GRIA1: variants seen among roughly 807,000 people sequenced by gnomAD.
GRIA1 encodes glutamate ionotropic receptor AMPA type subunit 1, also known as glutamate receptor 1.
In GRIA1, 31 loss-of-function variants were observed where a neutral mutation model predicts 99.2. The observed-to-expected ratio is 0.31, with a 90% CI of 0.23 to 0.42. GRIA1 has a LOEUF of 0.42. GRIA1 is among the 10% of genes least tolerant of loss of function. The pLI, the probability that GRIA1 is intolerant of heterozygous loss-of-function variation, is 1.00. For synonymous variants in GRIA1, 438 were observed against 432.4 expected, an observed-to-expected ratio of 1.01 and a Z score of -0.16; for missense variants, 782 against 1,157.5, an observed-to-expected ratio of 0.68 and a Z score of 4.71.
intron 2 of GRIA1, among the ~76,000 whole-genome samples, chr5:153,495,576 C>T (rs571156933): frequency 1.3e-5 from 2 of 152,272 alleles, no homozygotes; most frequent in African/African-American, 4.8e-5. Context: ...AGGAGAAAAA[C>T]TTACAGTGTT....
chr5:153,729,412 T>C (rs1760842690), intron 11 of GRIA1, among the ~76,000 whole-genome samples: 1 of 151,254 alleles, frequency 6.6e-6, no homozygotes, highest in African/African-American at 2.4e-5. Context: ...AATTAATTAA[T>C]TGAAAAAAGA....
chr5:153,677,142 T>C lies in GRIA1; in HGVS notation c.1010T>C (p.Ile337Thr). 1 of 1,531,814 alleles carries C rather than the reference T, an allele frequency of 6.5e-7. No homozygotes were observed. The highest frequency in any genetic ancestry group is 2.4e-5 in the East Asian group (1 of 40,892). The allele number at this position is 1,531,814 out of a possible 1,614,324, so 94.9% of individuals were successfully genotyped here. Residue 337 changes from isoleucine to threonine, a missense_variant, in exon 7 of 16, where the codon ATC becomes ACC. Ile to Thr is a moderately conservative substitution (Grantham distance 89). Around this residue, in one of 5 missense-constraint regions of GRIA1, gnomAD observed 461 missense variants for 521.7 expected, o/e 0.88. Coordinates refer to ENST00000285900, the MANE Select transcript of GRIA1 (RefSeq NM_000827.4). ...GTTCCCTGGGGCCAAGGGATCGACA[T>C]CCAGAGAGCTCTGCAGCAGGTAAGA... The part of the protein sequence containing the change: ...PAVPWGQGID[I>T]QRALQQVRFE...
intron 2 of GRIA1, among the ~76,000 whole-genome samples, chr5:153,614,424 T>A (rs961557320): frequency 1.3e-5 from 2 of 152,210 alleles, no homozygotes; most frequent in African/African-American, 4.8e-5. Context: ...TCCTATGATT[T>A]TTATATGTAT....
chr5:153,676,399 A>G (rs1371207738), intron 6 of GRIA1, among the ~76,000 whole-genome samples: 1 of 152,182 alleles, frequency 6.6e-6, no homozygotes, highest in Admixed American at 6.5e-5. Context: ...AGGAGAGGGT[A>G]TAATTGATAG....
At chr5:153,654,363 G>A (rs1754783764) in intron 4 of GRIA1, among the ~76,000 whole-genome samples, 2 of 152,064 alleles carry the variant, frequency 1.3e-5, no homozygotes, top group South Asian at 4.1e-4. Flanking sequence ...TCATCTTGTG[G>A]GGACAATATT....
At chr5:153,605,051 G>A (rs1441101850) in intron 2 of GRIA1, among the ~76,000 whole-genome samples, 1 of 152,078 alleles carries the variant, frequency 6.6e-6, no homozygotes, top group Non-Finnish European at 1.5e-5. Flanking sequence ...GCCAGGCCTG[G>A]TGGTGCACAC....
intron 5 of GRIA1, among the ~76,000 whole-genome samples, chr5:153,670,913 C>T (rs1196939271): frequency 1.3e-5 from 2 of 152,026 alleles, no homozygotes; most frequent in Non-Finnish European, 2.9e-5. Flanking sequence ...TGATTAAAAG[C>T]ATTGTAGAGA....
chr5:153,494,600 G>C (rs1754232079), intron 2 of GRIA1, among the ~76,000 whole-genome samples: 2 of 152,138 alleles, frequency 1.3e-5, no homozygotes, highest in South Asian at 4.1e-4. Context: ...TGAGGAAATT[G>C]GTTGTTTAAG....
Position 153,698,088 on chromosome 5 carries a change from C to T in GRIA1, c.1179C>T (p.Thr393=), listed in dbSNP as rs778187885. The T allele has an allele frequency of 8.7e-6, 14 of 1,611,366 alleles. No individual in the cohort carries two copies. Among genetic ancestry groups the T allele is most frequent in the Admixed American group, 1.7e-5 (1 of 60,006 alleles). The change falls in exon 9 of 16, where the codon ACC becomes ACT. Residue 393 remains threonine (T), a synonymous_variant. Transcript: ENST00000285900. ...NEDDKFVPAA[T]DAQAGGDNSS... Reference sequence around the variant, plus strand: ...ATGATAAGTTTGTCCCTGCAGCCACCGATGCCCAAGCTGGGGGCGATAATT... The same window carrying T: ...ATGATAAGTTTGTCCCTGCAGCCACTGATGCCCAAGCTGGGGGCGATAATT...
At chr5:153,516,487 A>C (rs904722798) in intron 2 of GRIA1, among the ~76,000 whole-genome samples, 1 of 152,062 alleles carries the variant, frequency 6.6e-6, no homozygotes, top group Non-Finnish European at 1.5e-5. Context: ...AGAAAAGACT[A>C]GTTGATCCTA....
intron 14 of GRIA1, among the ~76,000 whole-genome samples, chr5:153,802,022 C>T (rs1241692514): frequency 6.6e-6 from 1 of 151,762 alleles, no homozygotes; most frequent in East Asian, 1.9e-4. Flanking sequence ...ATGGGCTAAG[C>T]TCAAAGGTGC....
rs754217849 is a variant in GRIA1 at position 153,646,161 on chromosome 5, C to T, written c.221-767C>T. 5.3e-5 allele frequency among the ~76,000 whole-genome samples: 8 copies of T among 152,334 alleles called. No individual in the cohort carries two copies. In the South Asian group the frequency reaches 1.2e-3, roughly 24 times the overall value. ...CAACTGCATTGGGATTCTACAGAAT[C>T]GGTCCTGTGGGTATGTTCTCACAGC... On this transcript the variant is annotated intron_variant, in intron 2 of 15. Coordinates refer to ENST00000285900, the MANE Select transcript of GRIA1 (RefSeq NM_000827.4).
At position 153,809,471 on chromosome 5, in the gene GRIA1, G is replaced by T. The variant is rs531493704; in HGVS notation, c.2521-1554G>T. On this transcript the variant is annotated intron_variant, in intron 15 of 15. Transcript: ENST00000285900. ...AACATTTTAAAACATTGTCAGAACT[G>T]CCAGTAATACAAGGATAGCAGGGGA... 3.3e-5 allele frequency among the ~76,000 whole-genome samples: 5 copies of T among 152,334 alleles called. No homozygotes were observed. In the South Asian group the frequency reaches 1.0e-3, roughly 32 times the overall value.
chr5:153,534,293 T>C (rs757652734), intron 2 of GRIA1, among the ~76,000 whole-genome samples: 1 of 152,186 alleles, frequency 6.6e-6, no homozygotes, highest in Non-Finnish European at 1.5e-5. Context: ...CAGTATTTGA[T>C]GCCAAGTGAA....
In GRIA1 at chr5:153,713,752, C is replaced by T. The variant is rs553461668; in HGVS notation, c.1823+7685C>T. On this transcript the variant is annotated intron_variant, in intron 11 of 15. Coordinates refer to ENST00000285900, the MANE Select transcript of GRIA1 (RefSeq NM_000827.4). ...TTTATACTTTGAACATTTTAATTGA[C>T]GGAGAGATTTGTTTTCTCCAAAATT... Among the ~76,000 whole-genome samples, 8 of 152,272 alleles carry T rather than the reference C, an allele frequency of 5.3e-5. No homozygotes were observed. The South Asian group carries it at 1.2e-3, about 24-fold the overall frequency.
In GRIA1 at chr5:153,494,038, A is replaced by G. The variant is rs1455172439; in HGVS notation, c.193A>G (p.Ser65Gly). The change falls in exon 2 of 16, where the codon AGC (serine) becomes GGC (glycine). Residue 65 changes from serine to glycine, a missense_variant. This residue lies in a region of GRIA1 where 461 missense variants were observed against 521.7 expected (regional missense o/e 0.88). Transcript: ENST00000285900. ...CCCCCAGATTGATATTGTGAACATC[A>G]GCGACAGCTTTGAGATGACCTATAG... The part of the protein sequence containing the change: ...LLPQIDIVNI[S>G]DSFEMTYRFC... 6.2e-7 allele frequency: 1 copy of G among 1,613,948 alleles called. No individual in the cohort carries two copies. Among genetic ancestry groups the G allele is most frequent in the Non-Finnish European group, 8.5e-7 (1 of 1,179,938 alleles).
intron 11 of GRIA1, among the ~76,000 whole-genome samples, chr5:153,754,446 G>C (rs1167641902): frequency 2.6e-5 from 4 of 151,994 alleles, no homozygotes; most frequent in Non-Finnish European, 5.9e-5. Flanking sequence ...TTCAAGGTAG[G>C]CTGCTATAAA....
intron 2 of GRIA1, among the ~76,000 whole-genome samples, chr5:153,509,937 G>C (rs1481661964): frequency 6.6e-6 from 1 of 152,166 alleles, no homozygotes; most frequent in Non-Finnish European, 1.5e-5. Context: ...GAGGGGCACA[G>C]AGAATAAAAA....
rs1161597145 is a variant in GRIA1 at position 153,756,298 on chromosome 5, C to G, written c.1824-8136C>G. Among the ~76,000 whole-genome samples the G allele has an allele frequency of 4.6e-5, 7 of 152,018 alleles. 1 individual carries two copies. Among genetic ancestry groups the G allele is most frequent in the African/African-American group, 1.7e-4 (7 of 41,524 alleles). ...TGCTACAGTTGGGAAACTCCCCCACCCATGCAGGAAATTAGTTGGGAAGTA... is the reference window on the plus strand; with the variant it reads ...TGCTACAGTTGGGAAACTCCCCCACGCATGCAGGAAATTAGTTGGGAAGTA... On this transcript the variant is annotated intron_variant, in intron 11 of 15. Transcript: ENST00000285900.
Sources: gnomAD v4.1 joint callset for allele counts (sites outside exome capture counted in the v4.1 genomes callset) on GRCh38, gnomAD v4.1.1 for gene constraint, gnomAD v4.1.1 regional missense constraint, MANE v1.5 for transcripts, NCBI Gene and HGNC (gene_info 2026-07-23, HGNC 2026-07-21) for gene names.